The following RTN4 variants were observed in gnomAD, a reference collection of about 807,000 sequenced individuals.
The protein encoded by RTN4 is reticulon-4.
RTN4 carries 32 observed loss-of-function variants against 90.4 expected under a neutral mutation model. The ratio of observed to expected loss-of-function variants is 0.35; its 90% confidence interval spans 0.27 to 0.48. The LOEUF is 0.48. Ranked by LOEUF, RTN4 falls within the 20% of genes least tolerant of loss-of-function variation. The probability of loss-of-function intolerance (pLI) is 0.99; values close to 1 mark genes in which losing one functional copy is unlikely to be tolerated. For synonymous variants in RTN4, 629 were observed against 552.5 expected (o/e 1.14, Z -1.94); for missense variants, 1,706 against 1,430.2 (o/e 1.19, Z -3.11).
At chr2:54,995,367 G>GGTT (rs1267591645) in intron 3 of RTN4, among the ~76,000 whole-genome samples, 3 of 152,054 alleles carry the variant, frequency 2.0e-5, no homozygotes, top group Non-Finnish European at 2.9e-5. Flanking sequence ...CAGTGATGGT[G>GGTT]GTTGTAGTGG....
the RTN4 span, among the ~76,000 whole-genome samples, chr2:55,120,487 T>C: frequency 6.6e-6 from 1 of 152,020 alleles, no homozygotes; most frequent in Non-Finnish European, 1.5e-5. Flanking sequence ...CCTCTCACTG[T>C]CCCTCCATTC....
At position 55,101,152 on chromosome 2, in the gene RTN4, C is replaced by A. The variant is rs75494352; in HGVS notation, c.-214+11368G>T. On this transcript the variant is annotated intron_variant, in intron 1 of 3. Transcript: ENST00000427710. ...TTTTAGTAAAATAATAATTATTTTA[C>A]ATGTTGGCATATGCATAGAAAAAAA... Among the ~76,000 whole-genome samples the A allele has an allele frequency of 3.5e-3, 527 of 152,082 alleles. 7 individuals are homozygous for A. Among genetic ancestry groups the A allele is most frequent in the African/African-American group, 0.012 (511 of 41,466 alleles).
chr2:54,994,722 A>G (rs560094845), intron 3 of RTN4, among the ~76,000 whole-genome samples: 3 of 152,342 alleles, frequency 2.0e-5, no homozygotes, highest in South Asian at 4.1e-4. Flanking sequence ...GCAACTGGCC[A>G]AGAAAAAGAC....
Position 55,109,472 on chromosome 2 carries a change from G to A in RTN4, c.-214+3048C>T, listed in dbSNP as rs545962304. ...GAAAAACCAACAGGTACAGTATCAC[G>A]TAGCTAGGTAGGCCTTGAATAGAAA... On this transcript the variant is annotated intron_variant, in intron 1 of 3. Coordinates refer to the RTN4 transcript ENST00000427710. Among the ~76,000 whole-genome samples the A allele has an allele frequency of 3.3e-5, 5 of 152,222 alleles. No homozygotes were observed. The South Asian group carries it at 1.0e-3, about 32-fold the overall frequency.
chr2:55,087,478 T>A (rs1558874611), intron 1 of RTN4, among the ~76,000 whole-genome samples: 1 of 152,224 alleles, frequency 6.6e-6, no homozygotes, highest in Non-Finnish European at 1.5e-5. Context: ...TGCTACTATA[T>A]CATGCTGAAA....
At chr2:55,029,913 T>G (rs1262907689) in intron 1 of RTN4, among the ~76,000 whole-genome samples, 1 of 152,184 alleles carries the variant, frequency 6.6e-6, no homozygotes, top group African/African-American at 2.4e-5. Flanking sequence ...TTCTCATTTG[T>G]AAAATGAAGG....
At chr2:54,993,215 C>G (rs936507159) in intron 3 of RTN4, among the ~76,000 whole-genome samples, 6 of 152,052 alleles carry the variant, frequency 3.9e-5, no homozygotes, top group African/African-American at 7.2e-5. Context: ...TCTGTGCCAT[C>G]TGAAATGGTC....
chr2:55,116,469 C>G (rs73936839), upstream of RTN4, among the ~76,000 whole-genome samples: 3,888 of 152,266 alleles, frequency 0.026, 161 homozygotes, highest in African/African-American at 0.089. Flanking sequence ...CTCTGAGCCT[C>G]AGTTTCCTCG....
intron 1 of RTN4, among the ~76,000 whole-genome samples, chr2:55,089,601 C>T (rs1033314879): frequency 3.3e-5 from 5 of 152,354 alleles, no homozygotes; most frequent in Admixed American, 6.5e-5. Flanking sequence ...GGGACAGAGA[C>T]GTCCTGCTCC....
chr2:55,079,746 C>T (rs2105028004), intron 2 of RTN4, among the ~76,000 whole-genome samples: 1 of 152,298 alleles, frequency 6.6e-6, no homozygotes, highest in Middle Eastern at 3.4e-3. Flanking sequence ...GACTCTCCTA[C>T]ATAGGGATGA....
At chr2:54,980,991 C>A (rs1198381672) in intron 5 of RTN4, among the ~76,000 whole-genome samples, 2 of 152,230 alleles carry the variant, frequency 1.3e-5, no homozygotes, top group Non-Finnish European at 2.9e-5. Context: ...ATTAACCAAG[C>A]ATGCCAAACA....
At chr2:55,014,364 T>A (rs977184839) in intron 3 of RTN4, 1 of 152,176 alleles carries the variant, frequency 6.6e-6, no homozygotes, top group African/African-American at 2.4e-5. Context: ...CATTATAATC[T>A]AAAACATACA....
chr2:54,991,004 G>A (rs944837609), intron 3 of RTN4, among the ~76,000 whole-genome samples: 4 of 151,876 alleles, frequency 2.6e-5, no homozygotes, highest in Admixed American at 6.6e-5. Context: ...GGATGGTCTC[G>A]ATCTGCTGAC....
intron 5 of RTN4, among the ~76,000 whole-genome samples, chr2:54,977,292 G>A (rs1459220329): frequency 6.6e-6 from 1 of 152,036 alleles, no homozygotes; most frequent in Non-Finnish European, 1.5e-5. Context: ...ATTTTTCTGA[G>A]AGCTCAAGAA....
intron 6 of RTN4, 37 bp from the exon 7 acceptor site, chr2:54,973,904 G>C: frequency 3.8e-6 from 6 of 1,562,386 alleles, no homozygotes; most frequent in Non-Finnish European, 5.3e-6. Context: ...AAAAAGAACG[G>C]AATGATTTGG....
At chr2:55,040,271 T>C (rs1682981794) in intron 1 of RTN4, among the ~76,000 whole-genome samples, 2 of 152,214 alleles carry the variant, frequency 1.3e-5, no homozygotes, top group African/African-American at 2.4e-5. Flanking sequence ...AATAAAACTT[T>C]CCATAATTTA....
At chr2:55,123,260 A>T in the RTN4 span, among the ~76,000 whole-genome samples, 1 of 152,346 alleles carries the variant, frequency 6.6e-6, no homozygotes, top group East Asian at 1.9e-4. Context: ...GTTGCAAAAA[A>T]TGCCAAAGGA....
chr2:55,023,181 A>T (rs1056502148), intron 3 of RTN4, among the ~76,000 whole-genome samples: 2 of 152,032 alleles, frequency 1.3e-5, no homozygotes, highest in Non-Finnish European at 2.9e-5. Flanking sequence ...CTGTCCTTCC[A>T]CAGGGCCCAC....
intron 3 of RTN4, among the ~76,000 whole-genome samples, chr2:54,999,965 A>G (rs1351287704): frequency 6.6e-6 from 1 of 152,178 alleles, no homozygotes; most frequent in Non-Finnish European, 1.5e-5. Context: ...TAGTATCAAT[A>G]TGATCTGAGA....
Sources: gnomAD v4.1 joint callset for allele counts (sites outside exome capture counted in the v4.1 genomes callset) on GRCh38, gnomAD v4.1.1 for gene constraint, MANE v1.5 for transcripts, NCBI Gene and HGNC (gene_info 2026-07-23, HGNC 2026-07-21) for gene names.